The following SLC9C1 variants were observed in gnomAD, a reference collection of about 807,000 sequenced individuals.
The protein encoded by SLC9C1 is solute carrier family 9 member C1.
SLC9C1 carries 97 observed loss-of-function variants against 140.9 expected under a neutral mutation model. The ratio of observed to expected loss-of-function variants is 0.69; its 90% CI spans 0.58 to 0.82. SLC9C1 has a LOEUF of 0.82. Ranked by LOEUF, SLC9C1 falls within the 40% of genes least tolerant of loss-of-function variation. The pLI is 0.00. For missense variants in SLC9C1, 1,340 were observed against 1,389.3 expected (o/e 0.96, Z 0.56); for synonymous variants, 440 against 442.6 (o/e 0.99, Z 0.07).
intron 10 of SLC9C1, among the ~76,000 whole-genome samples, chr3:112,262,026 G>A (rs1399188144): frequency 6.6e-6 from 1 of 151,998 alleles, no homozygotes; most frequent in Non-Finnish European, 1.5e-5. Context: ...GCAAACCATT[G>A]ATACTATTAA....
intron 26 of SLC9C1, among the ~76,000 whole-genome samples, chr3:112,156,402 A>G (rs1250830942): frequency 2.0e-5 from 3 of 151,842 alleles, no homozygotes; most frequent in Middle Eastern, 3.2e-3. Flanking sequence ...TACACACTGC[A>G]TTTTCTTTAT....
chr3:112,243,554 G>T (rs2079193958), intron 11 of SLC9C1, among the ~76,000 whole-genome samples: 1 of 152,064 alleles, frequency 6.6e-6, no homozygotes, highest in African/African-American at 2.4e-5. Context: ...GGGTACTGTG[G>T]TCACTACCTT....
At chr3:112,262,420 C>T (rs2079798556) in intron 10 of SLC9C1, among the ~76,000 whole-genome samples, 1 of 112,718 alleles carries the variant, frequency 8.9e-6, no homozygotes, top group Admixed American at 1.0e-4. Context: ...TCTGTGATAT[C>T]TGCACAGAAA....
At chr3:112,149,431 A>G (rs2074895323) in intron 28 of SLC9C1, among the ~76,000 whole-genome samples, 1 of 152,070 alleles carries the variant, frequency 6.6e-6, no homozygotes, top group Non-Finnish European at 1.5e-5. Context: ...AGTAATCCAA[A>G]TGCCTGGAGA....
At chr3:112,252,969 T>C (rs1246426420) in intron 10 of SLC9C1, among the ~76,000 whole-genome samples, 1 of 152,160 alleles carries the variant, frequency 6.6e-6, no homozygotes, top group African/African-American at 2.4e-5. Context: ...ACCATTTTTC[T>C]GTTTCACAGC....
At chr3:112,255,020 A>G (rs969427454) in intron 10 of SLC9C1, among the ~76,000 whole-genome samples, 12 of 152,218 alleles carry the variant, frequency 7.9e-5, no homozygotes, top group Admixed American at 3.3e-4. Context: ...GGTTCAATTC[A>G]ATAAGAAGAC....
intron 27 of SLC9C1, 84 bp downstream of exon 27, chr3:112,154,913 A>C: frequency 5.3e-6 from 7 of 1,329,964 alleles, no homozygotes; most frequent in Non-Finnish European, 7.3e-6. Context: ...TTTCAGAATA[A>C]GAGAAACACA....
intron 20 of SLC9C1, chr3:112,185,842 G>A (rs960170677): frequency 2.6e-5 from 41 of 1,586,744 alleles, no homozygotes; most frequent in African/African-American, 8.0e-5. Flanking sequence ...TCGTAAGCAG[G>A]GCCCGGGACT....
At chr3:112,265,424 TTGGCA>T (rs1398008572) in intron 8 of SLC9C1, among the ~76,000 whole-genome samples, 1 of 152,120 alleles carries the variant, frequency 6.6e-6, no homozygotes, top group African/African-American at 2.4e-5. Context: ...TCCATTGTAA[TTGGCA>T]TGGAATTTTA....
At chr3:112,199,044 T>C (rs987186474) in intron 20 of SLC9C1, among the ~76,000 whole-genome samples, 1 of 150,928 alleles carries the variant, frequency 6.6e-6, no homozygotes, top group Non-Finnish European at 1.5e-5. Context: ...ATACCCACTG[T>C]AATCTAGGAT....
chr3:112,222,605 G>A (rs912228024), intron 13 of SLC9C1, among the ~76,000 whole-genome samples: 2 of 152,022 alleles, frequency 1.3e-5, no homozygotes, highest in African/African-American at 4.8e-5. Flanking sequence ...TTATAGATTG[G>A]GAGAATGGAA....
intron 7 of SLC9C1, among the ~76,000 whole-genome samples, chr3:112,267,890 C>T (rs2079969052): frequency 6.6e-6 from 1 of 151,974 alleles, no homozygotes; most frequent in South Asian, 2.1e-4. Context: ...ATGGTGAAGT[C>T]AGGAAAATAT....
intron 7 of SLC9C1, among the ~76,000 whole-genome samples, chr3:112,268,441 A>C (rs1265121772): frequency 6.6e-6 from 1 of 152,096 alleles, no homozygotes; most frequent in Non-Finnish European, 1.5e-5. Context: ...TTTCTTAATA[A>C]CTTTTATAAT....
chr3:112,253,101 C>T (rs779177254), intron 10 of SLC9C1, among the ~76,000 whole-genome samples: 16 of 152,170 alleles, frequency 1.1e-4, no homozygotes, highest in Admixed American at 2.0e-4. Context: ...GCCCTTAAAC[C>T]TATGTCTCCT....
At chr3:112,231,209 C>G in intron 13 of SLC9C1, 152 bp downstream of exon 13, 2 of 671,968 alleles carry the variant, frequency 3.0e-6, no homozygotes, top group Non-Finnish European at 4.5e-6. Flanking sequence ...CTTTTTCTTT[C>G]CAATCAAGCA....
At chr3:112,199,745 C>A (rs1419890456) in intron 19 of SLC9C1, among the ~76,000 whole-genome samples, 1 of 151,976 alleles carries the variant, frequency 6.6e-6, no homozygotes, top group Non-Finnish European at 1.5e-5. Flanking sequence ...TACTTTTCTA[C>A]CTGCACTGGA....
chr3:112,199,158 G>C (rs2077838546), intron 20 of SLC9C1, among the ~76,000 whole-genome samples, 163 bp downstream of exon 20: 1 of 151,510 alleles, frequency 6.6e-6, no homozygotes, highest in Non-Finnish European at 1.5e-5. Flanking sequence ...CTGGGCTGCA[G>C]GAAGGAAACT....
chr3:112,248,644 T>G (rs2079361265), intron 10 of SLC9C1, among the ~76,000 whole-genome samples: 2 of 152,180 alleles, frequency 1.3e-5, no homozygotes, highest in Admixed American at 6.6e-5. Flanking sequence ...CCAGTTTGTG[T>G]GCCTTTTTTC....
intron 12 of SLC9C1, among the ~76,000 whole-genome samples, chr3:112,236,031 T>A (rs1453083271): frequency 1.3e-5 from 2 of 152,154 alleles, no homozygotes; most frequent in Non-Finnish European, 2.9e-5. Context: ...TTGGAATAGT[T>A]TCAGAAGGAA....
Sources: allele counts gnomAD v4.1 joint callset (sites outside exome capture counted in the v4.1 genomes callset), GRCh38; gene constraint gnomAD v4.1.1; transcripts MANE v1.5; gene names NCBI Gene and HGNC (gene_info 2026-07-23, HGNC 2026-07-21).